TOM1L2: variants seen among roughly 807,000 people sequenced by gnomAD.
TOM1L2 encodes the protein TOM1-like protein 2.
TOM1L2 carries 31 observed loss-of-function variants against 67.9 expected under a neutral mutation model. The observed-to-expected ratio is 0.46, with a 90% confidence interval of 0.34 to 0.62. The LOEUF (loss-of-function observed/expected upper bound fraction) is 0.62. Among genes scored for constraint, TOM1L2 ranks in the 20% least tolerant of loss-of-function variants. The pLI is 0.01. For missense variants in TOM1L2, 606 were observed against 663.5 expected, an observed-to-expected ratio of 0.91 and a Z score of 0.95; for synonymous variants, 256 against 254.0, an observed-to-expected ratio of 1.01 and a Z score of -0.07.
intron 1 of TOM1L2, among the ~76,000 whole-genome samples, chr17:17,928,168 T>C (rs2040174063): frequency 7.0e-6 from 1 of 143,362 alleles, no homozygotes; most frequent in Non-Finnish European, 1.5e-5. Context: ...ACAAAAAAAA[T>C]CAGTAGGAGA....
chr17:17,882,848 C>T lies in TOM1L2; in HGVS notation c.517G>A (p.Asp173Asn), dbSNP rs142581994. 2 of 1,613,980 alleles carry T rather than the reference C, an allele frequency of 1.2e-6. No individual in the cohort carries two copies. The highest frequency in any genetic ancestry group is 2.7e-5 in the African/African-American group (2 of 74,906). The stretch of plus-strand genomic sequence containing the variant: ...GACCTGGGCATGGTCGCAGCTGGAT[C>T]CACTTCAGGGACACTCTGGCATGGC... ...HTPQRSVPEV[D>N]PAATMPRSQS... The change falls in exon 6 of 15, where the codon GAT becomes AAT. Residue 173 changes from aspartate to asparagine, a missense_variant. Physicochemically the swap from Asp to Asn is conservative, Grantham distance 23. Transcript: ENST00000379504.
In TOM1L2 at chr17:17,855,852, C is replaced by G. The variant is rs80345000; in HGVS notation, c.1279-4900G>C. Among the ~76,000 whole-genome samples, 701 of 151,938 alleles carry G rather than the reference C, an allele frequency of 4.6e-3. 8 individuals carry two copies. The highest frequency in any genetic ancestry group is 0.016 in the African/African-American group (681 of 41,424). On this transcript the variant is annotated intron_variant, in intron 12 of 14. Coordinates refer to ENST00000379504, the MANE Select transcript of TOM1L2 (RefSeq NM_001082968.2). ...AAGTCTAAAAGCCTTTGATCTCACTCAATAGTACAAAAAGTTTCCAAGTAA... is the reference window on the plus strand; with the variant it reads ...AAGTCTAAAAGCCTTTGATCTCACTGAATAGTACAAAAAGTTTCCAAGTAA...
intron 1 of TOM1L2, among the ~76,000 whole-genome samples, chr17:17,955,884 T>C (rs1598405467): frequency 6.6e-6 from 1 of 152,194 alleles, no homozygotes; most frequent in East Asian, 1.9e-4. Context: ...GCTGCAGACC[T>C]TCGCGGTGAG....
At chr17:17,920,704 G>C (rs1005940129) in intron 1 of TOM1L2, among the ~76,000 whole-genome samples, 1 of 151,808 alleles carries the variant, frequency 6.6e-6, no homozygotes, top group Admixed American at 6.6e-5. Flanking sequence ...GTGCGATCTC[G>C]GCTCACTGAA....
chr17:17,897,696 A>G (rs182550518), intron 3 of TOM1L2, among the ~76,000 whole-genome samples: 4 of 152,234 alleles, frequency 2.6e-5, no homozygotes, highest in African/African-American at 9.6e-5. Context: ...TTCAGTTTTT[A>G]CCCCATGCAA....
At chr17:17,912,252 C>T (rs1385886369) in intron 1 of TOM1L2, among the ~76,000 whole-genome samples, 853 of 151,316 alleles carry the variant, frequency 5.6e-3, no homozygotes, top group Non-Finnish European at 9.8e-3. Context: ...CGCCCCTCAC[C>T]TCCCGGACGG....
At chr17:17,960,290 C>G in intron 1 of TOM1L2, among the ~76,000 whole-genome samples, 1 of 152,198 alleles carries the variant, frequency 6.6e-6, no homozygotes, top group East Asian at 1.9e-4. Flanking sequence ...GGGTTCAAAT[C>G]CCTGCTCTGC....
intron 14 of TOM1L2, among the ~76,000 whole-genome samples, chr17:17,848,465 T>C (rs1170278898): frequency 1.3e-5 from 2 of 152,222 alleles, no homozygotes; most frequent in African/African-American, 4.8e-5. Flanking sequence ...GGCTCCTCCC[T>C]TCTGGCTCAG....
intron 1 of TOM1L2, among the ~76,000 whole-genome samples, chr17:17,959,635 C>T (rs921277303): frequency 1.6e-4 from 25 of 152,292 alleles, no homozygotes; most frequent in African/African-American, 5.5e-4. Context: ...CGACTAATGA[C>T]GTGCCAGAAA....
At chr17:17,967,568 C>T (rs1451506402) in intron 1 of TOM1L2, among the ~76,000 whole-genome samples, 1 of 152,218 alleles carries the variant, frequency 6.6e-6, no homozygotes, top group Non-Finnish European at 1.5e-5. Flanking sequence ...TCTTCCACCA[C>T]ACTTCTTAGC....
chr17:17,851,845 C>T (rs1022244804), intron 12 of TOM1L2, among the ~76,000 whole-genome samples: 28 of 152,206 alleles, frequency 1.8e-4, no homozygotes, highest in Admixed American at 2.0e-4. Context: ...AGGTGTACCA[C>T]GGGGTTGCCT....
chr17:17,872,260 T>C (rs2037192025), intron 7 of TOM1L2, among the ~76,000 whole-genome samples: 2 of 152,334 alleles, frequency 1.3e-5, no homozygotes, highest in East Asian at 1.9e-4. Flanking sequence ...TCCAAACTTA[T>C]GAAAGAAACA....
At chr17:17,898,710 A>G (rs752268766) in intron 2 of TOM1L2, 36 bp from the exon 3 acceptor site, 4 of 1,608,300 alleles carry the variant, frequency 2.5e-6, no homozygotes, top group African/African-American at 1.3e-5. Flanking sequence ...GATACTTACA[A>G]TCCCACTTGA....
chr17:17,911,224 C>T (rs1253496738), intron 1 of TOM1L2, among the ~76,000 whole-genome samples: 1 of 152,142 alleles, frequency 6.6e-6, no homozygotes, highest in Non-Finnish European at 1.5e-5. Context: ...GCCATGGCAA[C>T]GGCATCAGGA....
chr17:17,865,704 T>C (rs1340081945), intron 10 of TOM1L2, among the ~76,000 whole-genome samples: 1 of 149,520 alleles, frequency 6.7e-6, no homozygotes, highest in African/African-American at 2.5e-5. Flanking sequence ...ACTTCAATCA[T>C]AGGGAATGTT....
intron 4 of TOM1L2, among the ~76,000 whole-genome samples, chr17:17,893,151 C>T (rs2038380107): frequency 6.6e-6 from 1 of 152,206 alleles, no homozygotes; most frequent in South Asian, 2.1e-4. Context: ...TGCGTCTGGG[C>T]CTTTGCACAT....
At chr17:17,957,960 G>A (rs2041531363) in intron 1 of TOM1L2, among the ~76,000 whole-genome samples, 1 of 151,978 alleles carries the variant, frequency 6.6e-6, no homozygotes, top group Admixed American at 6.5e-5. Context: ...CGTGGTGGTG[G>A]GCGCCTGTAG....
At chr17:17,871,959 A>G (rs2037176782) in intron 7 of TOM1L2, 1 of 985,034 alleles carries the variant, frequency 1.0e-6, no homozygotes, top group South Asian at 4.7e-5. Flanking sequence ...TCCACAAAAT[A>G]CCCACTCTCC....
At chr17:17,871,628 A>C (rs1372044824) in intron 7 of TOM1L2, among the ~76,000 whole-genome samples, 1 of 152,112 alleles carries the variant, frequency 6.6e-6, no homozygotes, top group African/African-American at 2.4e-5. Flanking sequence ...CAGAGATTGC[A>C]CTACTGCACT....
Sources: allele counts gnomAD v4.1 joint callset (sites outside exome capture counted in the v4.1 genomes callset), GRCh38; gene constraint gnomAD v4.1.1; transcripts MANE v1.5; gene names NCBI Gene and HGNC (gene_info 2026-07-23, HGNC 2026-07-21).